The following PRDM6 variants were observed in gnomAD, a reference collection of about 807,000 sequenced individuals.
PRDM6 encodes PR/SET domain 6.
Under a neutral mutation model 60.8 loss-of-function variants are expected in PRDM6, and 25 were observed. That is an observed-to-expected ratio of 0.41 (90% CI 0.30 to 0.57). PRDM6 has a LOEUF of 0.57. Among genes scored for constraint, PRDM6 ranks in the 20% least tolerant of loss-of-function variants. The pLI, the probability that PRDM6 is intolerant of heterozygous loss-of-function variation, is 0.27. For synonymous variants in PRDM6, 407 were observed against 357.4 expected, an observed-to-expected ratio of 1.14 and a Z score of -1.57; for missense variants, 839 against 821.3, an observed-to-expected ratio of 1.02 and a Z score of -0.26.
At chr5:123,143,878 A>T (rs1424687331) in intron 3 of PRDM6, among the ~76,000 whole-genome samples, 1 of 152,224 alleles carries the variant, frequency 6.6e-6, no homozygotes. Flanking sequence ...TCATAAGTTA[A>T]TTACAGGATT....
intron 3 of PRDM6, among the ~76,000 whole-genome samples, chr5:123,120,994 T>C (rs193274001): frequency 1.3e-5 from 2 of 152,126 alleles, no homozygotes; most frequent in Non-Finnish European, 2.9e-5. Context: ...TTCCTTATGT[T>C]TGGGCTTAAT....
In PRDM6 at chr5:123,155,797, G is replaced by A. The variant is rs1220581959; in HGVS notation, c.901-87G>A. 3 of 1,446,034 alleles carry A rather than the reference G, an allele frequency of 2.1e-6. No individual in the cohort carries two copies. In the Admixed American group the frequency reaches 7.0e-5, roughly 34 times the overall value. The allele number at this position is 1,446,034 out of a possible 1,614,324, so 89.6% of individuals were successfully genotyped here. A position where few individuals can be genotyped will look rare whatever the true frequency, so the allele number is the denominator to read the frequency against. Reference sequence around the variant, plus strand: ...AACCTAAGGGCAATAAATTTCTGCAGCTGACACATAAAGACACCAAGGGAA... The same window carrying A: ...AACCTAAGGGCAATAAATTTCTGCAACTGACACATAAAGACACCAAGGGAA... On this transcript the variant is annotated intron_variant, in intron 3 of 7. Transcript: ENST00000407847.
At chr5:123,170,628 G>T in intron 5 of PRDM6, 138 bp from the exon 6 acceptor site, 1 of 670,136 alleles carries the variant, frequency 1.5e-6, no homozygotes, top group Non-Finnish European at 2.5e-6. Context: ...CAAATCAGAT[G>T]GTTTGTTATG....
chr5:123,159,403 A>G, intron 4 of PRDM6, 111 bp from the exon 5 acceptor site: 1 of 1,218,800 alleles, frequency 8.2e-7, no homozygotes, highest in Non-Finnish European at 1.1e-6. Context: ...TATTACAAAC[A>G]GAAACTGTTT....
chr5:123,140,585 CAT>C (rs1213282267), intron 3 of PRDM6, among the ~76,000 whole-genome samples: 57 of 152,130 alleles, frequency 3.7e-4, no homozygotes, highest in Middle Eastern at 3.4e-3. Flanking sequence ...TAGATGTTGA[CAT>C]GTATTAAATT....
chr5:123,155,842 A>G, intron 3 of PRDM6, 42 bp from the exon 4 acceptor site: 7 of 1,538,754 alleles, frequency 4.5e-6, no homozygotes, highest in Non-Finnish European at 6.1e-6. Flanking sequence ...ATGATTGCTG[A>G]TGATTCGTTC....
intron 5 of PRDM6, among the ~76,000 whole-genome samples, chr5:123,167,722 G>A (rs1765787877): frequency 6.6e-6 from 1 of 152,064 alleles, no homozygotes; most frequent in Non-Finnish European, 1.5e-5. Context: ...GTAAGTCAGA[G>A]CTCAGAATCT....
chr5:123,182,845 A>G (rs1656323447), intron 7 of PRDM6, among the ~76,000 whole-genome samples: 1 of 152,136 alleles, frequency 6.6e-6, no homozygotes, highest in African/African-American at 2.4e-5. Flanking sequence ...TATCAAATAG[A>G]TATTCCCAGG....
At chr5:123,186,229 G>A (rs1050534592) in intron 7 of PRDM6, among the ~76,000 whole-genome samples, 4 of 152,106 alleles carry the variant, frequency 2.6e-5, no homozygotes, top group Non-Finnish European at 5.9e-5. Flanking sequence ...AAAACAACAG[G>A]CTCCCACTAG....
chr5:123,184,779 A>G (rs567571284), intron 7 of PRDM6, among the ~76,000 whole-genome samples: 1 of 152,340 alleles, frequency 6.6e-6, no homozygotes, highest in East Asian at 1.9e-4. Flanking sequence ...TTTAAAAAAT[A>G]TTTTTATATC....
chr5:123,167,605 T>C (rs2126881588), intron 5 of PRDM6, among the ~76,000 whole-genome samples: 1 of 152,244 alleles, frequency 6.6e-6, no homozygotes, highest in South Asian at 2.1e-4. Context: ...GTCAGGCTGG[T>C]CTTGAACTCC....
At chr5:123,105,263 C>T (rs922071878) in intron 3 of PRDM6, among the ~76,000 whole-genome samples, 2 of 152,134 alleles carry the variant, frequency 1.3e-5, no homozygotes, top group Admixed American at 6.5e-5. Context: ...TCTTTTCCCA[C>T]ACTGACTTAA....
Position 123,155,906 on chromosome 5 carries a change from T to G in PRDM6, c.923T>G (p.Leu308Arg), listed in dbSNP as rs1765485874. Residue 308 changes from leucine (L) to arginine (R), a missense_variant, in exon 4 of 8, where the codon CTA (leucine) becomes CGA (arginine). By Grantham distance (102) the Leu-to-Arg change is moderately radical (BLOSUM62 -2). Coordinates refer to ENST00000407847, the MANE Select transcript of PRDM6 (RefSeq NM_001136239.4). ...CAGATATATGACCAGGATGGGACAC[T>G]ACAGCACTTTATTGATGGTGGGGAA... Reference protein sequence around the residue: ...LWEIYDQDGTLQHFIDGGEPS... With the variant: ...LWEIYDQDGTRQHFIDGGEPS... The G allele has an allele frequency of 4.5e-6, 7 of 1,551,570 alleles. No homozygotes were observed. The highest frequency in any genetic ancestry group is 6.1e-6 in the Non-Finnish European group (7 of 1,146,874).
intron 3 of PRDM6, among the ~76,000 whole-genome samples, chr5:123,116,471 A>G (rs1020622632): frequency 4.6e-5 from 7 of 152,164 alleles, no homozygotes; most frequent in Admixed American, 1.3e-4. Flanking sequence ...ACTAGTTTCA[A>G]ACTAAGAAAG....
At chr5:123,097,128 T>C (rs1039279761) in intron 2 of PRDM6, among the ~76,000 whole-genome samples, 3 of 152,268 alleles carry the variant, frequency 2.0e-5, no homozygotes, top group African/African-American at 7.2e-5. Flanking sequence ...TTAGCTATTT[T>C]TGCAAAGGTG....
intron 3 of PRDM6, among the ~76,000 whole-genome samples, chr5:123,127,492 G>GT (rs1166183395): frequency 3.9e-5 from 6 of 152,336 alleles, no homozygotes; most frequent in Admixed American, 2.0e-4. Flanking sequence ...GTTGAGAGAA[G>GT]TAAGTGGAGA....
chr5:123,181,625 A>T (rs1013904569), intron 7 of PRDM6, among the ~76,000 whole-genome samples: 7 of 152,180 alleles, frequency 4.6e-5, no homozygotes, highest in Non-Finnish European at 1.0e-4. Context: ...TTAAAAGAGC[A>T]TAGAGTTACC....
rs1420300225 is a variant in PRDM6 at position 123,090,097 on chromosome 5, C to T, written c.83C>T (p.Pro28Leu). 2 of 1,546,626 alleles carry T rather than the reference C, an allele frequency of 1.3e-6. No individual in the cohort carries two copies. Among genetic ancestry groups the T allele is most frequent in the African/African-American group, 2.8e-5 (2 of 72,520 alleles). The change falls in exon 2 of 8, where the codon CCT becomes CTT. Residue 28 changes from proline to leucine, a missense_variant. Physicochemically the swap from Pro to Leu is moderately conservative, Grantham distance 98. Transcript: ENST00000407847. ...CTGCAGCACTGGCAGCAACTCTTCC[C>T]TCACGGAGGCGCAGGCCCGCTCAAG... ...AYLQHWQQLF[P>L]HGGAGPLKGS...
intron 3 of PRDM6, among the ~76,000 whole-genome samples, chr5:123,139,021 T>C (rs959603165): frequency 2.6e-5 from 4 of 152,306 alleles, no homozygotes; most frequent in East Asian, 1.9e-4. Flanking sequence ...CTAATGGTTT[T>C]ATAAGCGTCT....
Sources: allele counts gnomAD v4.1 joint callset (sites outside exome capture counted in the v4.1 genomes callset), GRCh38; gene constraint gnomAD v4.1.1; transcripts MANE v1.5; gene names NCBI Gene and HGNC (gene_info 2026-07-23, HGNC 2026-07-21).